GOLGA7: variants seen among roughly 807,000 people sequenced by gnomAD.
The protein encoded by GOLGA7 is golgin A7.
In GOLGA7, 10 loss-of-function variants were observed where a neutral mutation model predicts 21.1. The ratio of observed to expected loss-of-function variants is 0.47; its 90% CI spans 0.29 to 0.80. GOLGA7 has a LOEUF of 0.80. GOLGA7 is among the 30% of genes least tolerant of loss of function. GOLGA7 has a pLI of 0.08. For synonymous variants in GOLGA7, 64 were observed against 62.6 expected (o/e 1.02, Z -0.10); for missense variants, 114 against 166.8 (o/e 0.68, Z 1.74).
chr8:41,506,485 A>T (rs1046623353), intron 3 of GOLGA7, among the ~76,000 whole-genome samples: 1 of 152,168 alleles, frequency 6.6e-6, no homozygotes, highest in African/African-American at 2.4e-5. Context: ...ATATTTTTAG[A>T]GGCAGTAAGC....
intron 2 of GOLGA7, among the ~76,000 whole-genome samples, chr8:41,503,417 T>C (rs575369323): frequency 8.1e-6 from 1 of 123,252 alleles, no homozygotes; most frequent in South Asian, 3.0e-4. Context: ...TTTAGTTTAA[T>C]TAGATCCCAT....
chr8:41,493,185 AT>A (rs1563414194), intron 1 of GOLGA7, among the ~76,000 whole-genome samples: 1 of 152,212 alleles, frequency 6.6e-6, no homozygotes, highest in Admixed American at 6.5e-5. Context: ...TTGTCTGTGT[AT>A]GTGTGTTGAG....
chr8:41,500,628 CTG>C lies in GOLGA7; in HGVS notation c.264+2971_264+2972del, dbSNP rs1345075839. On this transcript the variant is annotated intron_variant, in intron 2 of 4. Transcript: ENST00000357743. ...TTTTTGTAATAGAGACAGGGTCTCA[CTG>C]TGTTGTCCACGCTGGTCTCGAACTC... Among the ~76,000 whole-genome samples, 4 of 152,368 alleles carry C rather than the reference CTG, an allele frequency of 2.6e-5. 1 individual carries two copies. Among genetic ancestry groups the C allele is most frequent in the African/African-American group, 9.6e-5 (4 of 41,578 alleles).
intron 2 of GOLGA7, among the ~76,000 whole-genome samples, chr8:41,498,188 C>T (rs528488969): frequency 6.6e-6 from 1 of 152,256 alleles, no homozygotes; most frequent in South Asian, 2.1e-4. Flanking sequence ...CTTTCATTTT[C>T]CCAGTCATTA....
intron 2 of GOLGA7, among the ~76,000 whole-genome samples, chr8:41,502,219 C>T (rs1806166023): frequency 6.6e-6 from 1 of 152,178 alleles, no homozygotes; most frequent in Admixed American, 6.5e-5. Context: ...AAAATGTAAG[C>T]ACAGCTGCCC....
intron 2 of GOLGA7, among the ~76,000 whole-genome samples, chr8:41,500,766 A>G (rs1473981354): frequency 6.6e-6 from 1 of 152,198 alleles, no homozygotes; most frequent in Non-Finnish European, 1.5e-5. Context: ...TGCTTTGTGG[A>G]AAAAAGGCAT....
In GOLGA7 at chr8:41,504,746, C is replaced by T. The variant is rs959406732; in HGVS notation, c.265-1165C>T. Among the ~76,000 whole-genome samples the T allele has an allele frequency of 4.6e-5, 7 of 152,094 alleles. 1 individual carries two copies. Among genetic ancestry groups the T allele is most frequent in the Admixed American group, 4.6e-4 (7 of 15,260 alleles). Reference sequence around the variant, plus strand: ...ATAAAGTGTTTAAATTACTTTTCTTCAATTAGAAAATTCTTTATATGAAAC... The same window carrying T: ...ATAAAGTGTTTAAATTACTTTTCTTTAATTAGAAAATTCTTTATATGAAAC... On this transcript the variant is annotated intron_variant, in intron 2 of 4. Transcript: ENST00000357743.
intron 2 of GOLGA7, among the ~76,000 whole-genome samples, chr8:41,501,304 G>A (rs534247307): frequency 6.1e-5 from 9 of 146,566 alleles, no homozygotes; most frequent in Non-Finnish European, 1.2e-4. Flanking sequence ...TTTTCTTGAG[G>A]TCGATTTTTT....
intron 2 of GOLGA7, 120 bp from the exon 3 acceptor site, chr8:41,505,791 A>G (rs1806271426): frequency 5.2e-6 from 3 of 577,176 alleles, no homozygotes; most frequent in Admixed American, 3.4e-5. Flanking sequence ...ATTCCACCAT[A>G]TGAATATCCA....
At chr8:41,491,765 A>G (rs1805890328) in intron 1 of GOLGA7, among the ~76,000 whole-genome samples, 1 of 152,008 alleles carries the variant, frequency 6.6e-6, no homozygotes, top group East Asian at 1.9e-4. Flanking sequence ...ACATATGTAC[A>G]TTCAACCAAA....
At chr8:41,504,417 T>A (rs1806232686) in intron 2 of GOLGA7, among the ~76,000 whole-genome samples, 1 of 152,150 alleles carries the variant, frequency 6.6e-6, no homozygotes, top group Non-Finnish European at 1.5e-5. Context: ...TTGGGCACCT[T>A]TATGGGCTAC....
At position 41,507,071 on chromosome 8, in the gene GOLGA7, A is replaced by G; in HGVS notation, c.379A>G (p.Ile127Val). Residue 127 changes from isoleucine to valine, a missense_variant, in exon 4 of 5, where the codon ATT becomes GTT. By Grantham distance (29) the Ile-to-Val change is conservative (BLOSUM62 3). Coordinates refer to ENST00000357743, the MANE Select transcript of GOLGA7 (RefSeq NM_001002296.2). The stretch of plus-strand genomic sequence containing the variant: ...CCATGCTGTTTAGATTGAAATTACC[A>G]TTTATGAAGACAGAGGCATGAGCAG... ...ERGLRVIEITIYEDRGMSSGR is the reference protein window; with the variant it reads ...ERGLRVIEITVYEDRGMSSGR The G allele has an allele frequency of 1.5e-6, 2 of 1,364,344 alleles. No individual in the cohort carries two copies. The highest frequency in any genetic ancestry group is 2.1e-6 in the Non-Finnish European group (2 of 951,998). The allele number at this position is 1,364,344 out of a possible 1,614,324, so 84.5% of individuals were successfully genotyped here.
At chr8:41,502,222 A>G (rs1205533916) in intron 2 of GOLGA7, among the ~76,000 whole-genome samples, 1 of 152,256 alleles carries the variant, frequency 6.6e-6, no homozygotes, top group Non-Finnish European at 1.5e-5. Flanking sequence ...ATGTAAGCAC[A>G]GCTGCCCTCT....
At chr8:41,503,630 T>A (rs1156563356) in intron 2 of GOLGA7, among the ~76,000 whole-genome samples, 10 of 88,280 alleles carry the variant, frequency 1.1e-4, no homozygotes, top group Middle Eastern at 8.1e-3. Context: ...TTTCTACATA[T>A]GGCTAGCCAG....
In GOLGA7 at chr8:41,507,087, G is replaced by A. The variant is rs779565305; in HGVS notation, c.395G>A (p.Gly132Asp). The A allele has an allele frequency of 1.5e-6, 2 of 1,351,102 alleles. No homozygotes were observed. The highest frequency in any genetic ancestry group is 1.4e-5 in the African/African-American group (1 of 70,004). The allele number at this position is 1,351,102 out of a possible 1,614,324, so 83.7% of individuals were successfully genotyped here. A position where few individuals can be genotyped will look rare whatever the true frequency, so the allele number is the denominator to read the frequency against. ...GAAATTACCATTTATGAAGACAGAG[G>A]CATGAGCAGTGGAAGATAAACCGAA... is the stretch of plus-strand genomic sequence containing the variant. Reference protein sequence around the residue: ...VIEITIYEDRGMSSGR With the variant: ...VIEITIYEDRDMSSGR The change falls in exon 4 of 5, where the codon GGC (glycine) becomes GAC (aspartate). Residue 132 changes from glycine (G) to aspartate (D), a missense_variant. By Grantham distance (94) the Gly-to-Asp change is moderately conservative (BLOSUM62 -1). Coordinates refer to ENST00000357743, the MANE Select transcript of GOLGA7 (RefSeq NM_001002296.2).
chr8:41,502,327 A>G (rs1174613376), intron 2 of GOLGA7, among the ~76,000 whole-genome samples: 2 of 152,224 alleles, frequency 1.3e-5, no homozygotes, highest in Non-Finnish European at 2.9e-5. Flanking sequence ...TGTTTTAAAC[A>G]CCGAAATTCC....
Position 41,507,043 on chromosome 8 carries a change from C to T in GOLGA7, c.367-16C>T. ...TGTGTCCTGTAGTGTGTTTTCTTAACAGCCATGCTGTTTAGATTGAAATTA... is the reference window on the plus strand; with the variant it reads ...TGTGTCCTGTAGTGTGTTTTCTTAATAGCCATGCTGTTTAGATTGAAATTA... On this transcript the variant is annotated splice_polypyrimidine_tract_variant and intron_variant, in intron 3 of 4. Coordinates refer to ENST00000357743, the MANE Select transcript of GOLGA7 (RefSeq NM_001002296.2). The T allele has an allele frequency of 8.1e-7, 1 of 1,230,566 alleles. No homozygotes were observed. Among genetic ancestry groups the T allele is most frequent in the Non-Finnish European group, 1.2e-6 (1 of 829,820 alleles). 76.2% of individuals were successfully genotyped at this position (1,230,566 alleles called of 1,614,324 possible).
At chr8:41,495,501 T>G (rs1434924090) in intron 1 of GOLGA7, among the ~76,000 whole-genome samples, 1 of 151,370 alleles carries the variant, frequency 6.6e-6, no homozygotes, top group African/African-American at 2.4e-5. Flanking sequence ...CCCAGGCTGG[T>G]CTCAAACTCC....
chr8:41,490,806 G>A lies in GOLGA7; in HGVS notation c.-49G>A. Reference sequence around the variant, plus strand: ...CGGGTCCAGGCCGGGGCTCTGACTCGCGGTTGGTGTTCCCCCGACCCCGCA... The same window carrying A: ...CGGGTCCAGGCCGGGGCTCTGACTCACGGTTGGTGTTCCCCCGACCCCGCA... On this transcript the variant is annotated 5_prime_UTR_variant, in exon 1 of 5. Coordinates refer to ENST00000357743, the MANE Select transcript of GOLGA7 (RefSeq NM_001002296.2). 9.4e-7 allele frequency: 1 copy of A among 1,060,578 alleles called. No homozygotes were observed. Among genetic ancestry groups the A allele is most frequent in the East Asian group, 2.6e-5 (1 of 38,718 alleles). 65.7% of individuals were successfully genotyped at this position (1,060,578 alleles called of 1,614,324 possible). A position where few individuals can be genotyped will look rare whatever the true frequency, so the allele number is the denominator to read the frequency against.
Sources: allele counts gnomAD v4.1 joint callset (sites outside exome capture counted in the v4.1 genomes callset), GRCh38; gene constraint gnomAD v4.1.1; transcripts MANE v1.5; gene names NCBI Gene and HGNC (gene_info 2026-07-23, HGNC 2026-07-21).